BCL2L13: variants seen among roughly 807,000 people sequenced by gnomAD.
The protein encoded by BCL2L13 is BCL2 like 13, also known as bcl-2-like protein 13.
Under a neutral mutation model 25.8 loss-of-function variants are expected in BCL2L13, and 13 were observed. The ratio of observed to expected loss-of-function variants is 0.50; its 90% CI spans 0.33 to 0.80. BCL2L13 has a LOEUF of 0.80. BCL2L13 is among the 30% of genes least tolerant of loss of function. BCL2L13 has a pLI of 0.02. For synonymous variants in BCL2L13, 244 were observed against 230.3 expected, an observed-to-expected ratio of 1.06 and a Z score of -0.54; for missense variants, 504 against 574.9, an observed-to-expected ratio of 0.88 and a Z score of 1.26.
intron 1 of BCL2L13, among the ~76,000 whole-genome samples, chr22:17,641,900 C>T (rs747118883): frequency 6.7e-6 from 1 of 149,256 alleles, no homozygotes; most frequent in African/African-American, 2.5e-5. Context: ...CCCGGGTTGA[C>T]GCCATTCTCT....
chr22:17,700,922 G>A (rs2060414020), intron 5 of BCL2L13, among the ~76,000 whole-genome samples: 2 of 152,130 alleles, frequency 1.3e-5, no homozygotes, highest in East Asian at 1.9e-4. Flanking sequence ...TTGTCCTCCT[G>A]CAGAAGTATT....
chr22:17,727,273 C>A lies in BCL2L13; in HGVS notation c.1197C>A (p.Val399=), dbSNP rs1241105233. 1 of 1,614,098 alleles carries A rather than the reference C, an allele frequency of 6.2e-7. No individual in the cohort carries two copies. The part of the protein sequence containing the change: ...TTEPTEVEEV[V]PALEPTETLL... Reference sequence around the variant, plus strand: ...AACCTACTGAAGTGGAGGAGGTGGTCCCCGCACTGGAACCCACAGAAACGC... The same window carrying A: ...AACCTACTGAAGTGGAGGAGGTGGTACCCGCACTGGAACCCACAGAAACGC... Residue 399 remains valine (V), a synonymous_variant, in exon 7 of 7, where the codon GTC becomes GTA. Transcript: ENST00000317582.
chr22:17,654,355 C>A (rs1002290639), intron 1 of BCL2L13, among the ~76,000 whole-genome samples: 10 of 152,004 alleles, frequency 6.6e-5, no homozygotes, highest in African/African-American at 2.2e-4. Context: ...CCTCTGCCTC[C>A]GCCTCCCAAA....
intron 4 of BCL2L13, among the ~76,000 whole-genome samples, chr22:17,690,092 G>A (rs974653035): frequency 7.2e-5 from 11 of 152,020 alleles, no homozygotes; most frequent in Admixed American, 2.0e-4. Flanking sequence ...TTGGGAGGAC[G>A]AGGTGGAGGT....
chr22:17,713,460 AT>A (rs34378723), intron 6 of BCL2L13, among the ~76,000 whole-genome samples: 24,986 of 131,894 alleles, frequency 0.19, 2,083 homozygotes, highest in Non-Finnish European at 0.22. Context: ...TTGAAAATGC[AT>A]TTTTTTTTTT....
At chr22:17,657,712 T>G (rs2058922333) in intron 2 of BCL2L13, among the ~76,000 whole-genome samples, 1 of 151,792 alleles carries the variant, frequency 6.6e-6, no homozygotes, top group Non-Finnish European at 1.5e-5. Flanking sequence ...GAGATGGGGT[T>G]TCACTCTGTT....
chr22:17,702,976 A>T (rs575039190), intron 6 of BCL2L13: 2 of 152,188 alleles, frequency 1.3e-5, no homozygotes, highest in Non-Finnish European at 2.9e-5. Context: ...AACATGACAA[A>T]ACCCCATCTG....
chr22:17,715,228 C>G (rs1452702875), intron 6 of BCL2L13, among the ~76,000 whole-genome samples: 2 of 113,926 alleles, frequency 1.8e-5, no homozygotes, highest in African/African-American at 7.0e-5. Context: ...GTTACCCAGG[C>G]TGGAGTACAG....
At chr22:17,664,743 C>T (rs771309458) in intron 2 of BCL2L13, among the ~76,000 whole-genome samples, 1 of 152,222 alleles carries the variant, frequency 6.6e-6, no homozygotes, top group Non-Finnish European at 1.5e-5. Context: ...CACCTGCAGG[C>T]CCAACACCAT....
intron 5 of BCL2L13, among the ~76,000 whole-genome samples, chr22:17,698,325 G>C (rs2060327496): frequency 6.6e-6 from 1 of 151,958 alleles, no homozygotes; most frequent in Non-Finnish European, 1.5e-5. Context: ...ATGTTGGCCA[G>C]GCTGGTCTCA....
intron 2 of BCL2L13, among the ~76,000 whole-genome samples, chr22:17,669,924 A>G (rs2059362767): frequency 6.6e-6 from 1 of 152,174 alleles, no homozygotes. Context: ...TTTCTTTATA[A>G]ACTATCCAGT....
At position 17,712,244 on chromosome 22, in the gene BCL2L13, A is replaced by G. The variant is rs187605964; in HGVS notation, c.600+9858A>G. 3.5e-3 allele frequency among the ~76,000 whole-genome samples: 535 copies of G among 152,326 alleles called. 3 individuals are homozygous for G. The highest frequency in any genetic ancestry group is 0.011 in the African/African-American group (447 of 41,570). ...TTCCCAACTTGTTCTTCATTTAACA[A>G]AAAGACTTAGCCTAGTTTTAAAATG... On this transcript the variant is annotated intron_variant, in intron 6 of 6. Coordinates refer to ENST00000317582, the MANE Select transcript of BCL2L13 (RefSeq NM_015367.4).
At chr22:17,658,920 ATGGTGGC>A (rs2058975947) in intron 2 of BCL2L13, among the ~76,000 whole-genome samples, 1 of 149,370 alleles carries the variant, frequency 6.7e-6, no homozygotes, top group Non-Finnish European at 1.5e-5. Context: ...TTAGTTGGGC[ATGGTGGC>A]AGGCACCTGT....
chr22:17,649,782 C>T (rs544873254), intron 1 of BCL2L13, among the ~76,000 whole-genome samples: 4 of 151,808 alleles, frequency 2.6e-5, no homozygotes, highest in Non-Finnish European at 5.9e-5. Flanking sequence ...GGATTACAGG[C>T]GTGAGCCACT....
rs750056078 is a variant in BCL2L13 at position 17,689,121 on chromosome 22, C to T, written c.365C>T (p.Ala122Val). ...GAACTGAAAGAGCCTCTCCATAAAG[C>T]ATTGCAAATGCTCCTGAGCCAGTGA... Reference protein sequence around the residue: ...SQELKEPLHKALQMLLSQPVT... With the variant: ...SQELKEPLHKVLQMLLSQPVT... Residue 122 changes from alanine to valine, a missense_variant, in exon 4 of 7, where the codon GCA becomes GTA. Ala to Val is a moderately conservative substitution (Grantham distance 64, BLOSUM62 0). Coordinates refer to ENST00000317582, the MANE Select transcript of BCL2L13 (RefSeq NM_015367.4). The T allele has an allele frequency of 1.2e-6, 2 of 1,614,080 alleles. No individual in the cohort carries two copies. The highest frequency in any genetic ancestry group is 4.5e-5 in the East Asian group (2 of 44,890).
intron 1 of BCL2L13, among the ~76,000 whole-genome samples, chr22:17,642,131 T>C (rs1307992883): frequency 7.9e-4 from 5 of 6,326 alleles, no homozygotes; most frequent in Non-Finnish European, 1.6e-3. Flanking sequence ...GCTTCTCTCT[T>C]TTTTTTTTTT....
chr22:17,644,209 CTT>C (rs2058391946), intron 1 of BCL2L13, among the ~76,000 whole-genome samples: 1 of 151,116 alleles, frequency 6.6e-6, no homozygotes, highest in African/African-American at 2.5e-5. Context: ...TTTGCCTGGT[CTT>C]TTAATGTTTA....
At chr22:17,641,798 GT>G (rs35688861) in intron 1 of BCL2L13, among the ~76,000 whole-genome samples, 29,728 of 133,418 alleles carry the variant, frequency 0.22, 3,112 homozygotes, top group African/African-American at 0.31. Flanking sequence ...CATAATATGT[GT>G]TTTTTTTTTT....
chr22:17,663,715 G>A (rs1181817971), intron 2 of BCL2L13, among the ~76,000 whole-genome samples: 5 of 110,780 alleles, frequency 4.5e-5, no homozygotes, highest in African/African-American at 1.4e-4. Context: ...ATGGAGTCTC[G>A]CTCTGTTGCC....
Sources: gnomAD v4.1 joint callset for allele counts (sites outside exome capture counted in the v4.1 genomes callset) on GRCh38, gnomAD v4.1.1 for gene constraint, MANE v1.5 for transcripts, NCBI Gene and HGNC (gene_info 2026-07-23, HGNC 2026-07-21) for gene names.